CDH13: variants seen among roughly 807,000 people sequenced by gnomAD.
CDH13 encodes the protein cadherin-13.
A neutral mutation model predicts 63.8 loss-of-function variants in CDH13; 24 were observed. The ratio of observed to expected loss-of-function variants is 0.38; its 90% CI spans 0.27 to 0.53. The LOEUF is 0.53. Among genes scored for constraint, CDH13 ranks in the 20% least tolerant of loss-of-function variants. The probability of loss-of-function intolerance (pLI) is 0.85; values close to 1 mark genes in which losing one functional copy is unlikely to be tolerated. For synonymous variants in CDH13, 503 were observed against 355.3 expected, an observed-to-expected ratio of 1.42 and a Z score of -4.67; for missense variants, 1,049 against 903.1, an observed-to-expected ratio of 1.16 and a Z score of -2.07.
chr16:83,573,993 A>G (rs10781970), intron 7 of CDH13, among the ~76,000 whole-genome samples: 140,984 of 152,092 alleles, frequency 0.93, 65,628 homozygotes, highest in Non-Finnish European at 0.96. Context: ...GAGGATCCCC[A>G]GATACGCTTG....
Position 82,672,276 on chromosome 16 carries a change from C to A in CDH13, c.45+45139C>A, listed in dbSNP as rs556882251. Among the ~76,000 whole-genome samples, 3 of 152,244 alleles carry A rather than the reference C, an allele frequency of 2.0e-5. No individual in the cohort carries two copies. In the South Asian group the frequency reaches 6.2e-4, roughly 32 times the overall value. On this transcript the variant is annotated intron_variant, in intron 1 of 13. Coordinates refer to ENST00000567109, the MANE Select transcript of CDH13 (RefSeq NM_001257.5). ...GTCAACTGATATAATGTATGCACAC[C>A]ATTGAGCAGTGTGTCTTCCTCATTA... is the stretch of plus-strand genomic sequence containing the variant.
At chr16:82,842,902 G>A (rs1364040824) in intron 1 of CDH13, among the ~76,000 whole-genome samples, 1 of 152,134 alleles carries the variant, frequency 6.6e-6, no homozygotes, top group Non-Finnish European at 1.5e-5. Context: ...GGTTCACAAA[G>A]CACCTATAAG....
chr16:82,971,902 G>A (rs781743101), intron 2 of CDH13, among the ~76,000 whole-genome samples: 63 of 152,180 alleles, frequency 4.1e-4, no homozygotes, highest in African/African-American at 5.3e-4. Flanking sequence ...CTTGTTTGCA[G>A]CGATTACTCT....
chr16:83,442,999 T>C (rs1237758181), intron 6 of CDH13, among the ~76,000 whole-genome samples: 2 of 152,224 alleles, frequency 1.3e-5, no homozygotes, highest in Non-Finnish European at 1.5e-5. Context: ...GATTGAACTC[T>C]CAAAGACTTT....
At chr16:83,275,228 G>A (rs951491428) in intron 5 of CDH13, among the ~76,000 whole-genome samples, 1 of 152,080 alleles carries the variant, frequency 6.6e-6, no homozygotes, top group Non-Finnish European at 1.5e-5. Flanking sequence ...AGAGATGCTG[G>A]GCCACATAAC....
intron 3 of CDH13, among the ~76,000 whole-genome samples, chr16:83,049,501 A>C (rs2030046336): frequency 6.6e-6 from 1 of 151,714 alleles, no homozygotes; most frequent in East Asian, 1.9e-4. Context: ...CACCCAGCTA[A>C]TTTTTTGTAT....
At chr16:83,406,805 A>C (rs544690264) in intron 6 of CDH13, among the ~76,000 whole-genome samples, 1 of 152,344 alleles carries the variant, frequency 6.6e-6, no homozygotes, top group African/African-American at 2.4e-5. Context: ...GTAACAAGCC[A>C]GTCTTCTAAA....
Position 83,217,500 on chromosome 16 carries a change from G to C in CDH13, c.636+3G>C. On this transcript the variant is annotated splice_donor_region_variant and intron_variant, in intron 5 of 13. Coordinates refer to ENST00000567109, the MANE Select transcript of CDH13 (RefSeq NM_001257.5). ...GAGAAGTAATCGCTGTTTATCAAGTGAGTACCCCTCTCCCATGCCCACCCT... is the reference window on the plus strand; with the variant it reads ...GAGAAGTAATCGCTGTTTATCAAGTCAGTACCCCTCTCCCATGCCCACCCT... The C allele has an allele frequency of 6.2e-7, 1 of 1,612,636 alleles. No homozygotes were observed. Among genetic ancestry groups the C allele is most frequent in the Non-Finnish European group, 8.5e-7 (1 of 1,178,936 alleles).
chr16:83,151,571 A>G (rs1445164971), intron 4 of CDH13, among the ~76,000 whole-genome samples: 1 of 152,224 alleles, frequency 6.6e-6, no homozygotes, highest in Non-Finnish European at 1.5e-5. Context: ...TCTAGAGAGT[A>G]TTTGCTAAGA....
intron 2 of CDH13, among the ~76,000 whole-genome samples, chr16:83,011,712 CCTT>C (rs1914175683): frequency 6.6e-6 from 1 of 152,166 alleles, no homozygotes; most frequent in Non-Finnish European, 1.5e-5. Flanking sequence ...TCCTTTCTTC[CCTT>C]CTTCTTCTAC....
intron 3 of CDH13, among the ~76,000 whole-genome samples, chr16:83,069,547 C>T (rs1461926901): frequency 6.6e-6 from 1 of 152,080 alleles, no homozygotes; most frequent in Non-Finnish European, 1.5e-5. Context: ...AGTCACCATC[C>T]AAAGTCACCT....
At chr16:83,618,829 G>A (rs1205299306) in intron 8 of CDH13, among the ~76,000 whole-genome samples, 2 of 148,774 alleles carry the variant, frequency 1.3e-5, no homozygotes, top group Non-Finnish European at 2.9e-5. Flanking sequence ...TATCCTGTGA[G>A]TTAAAAAAAA....
chr16:82,662,559 G>C (rs1376899298), intron 1 of CDH13, among the ~76,000 whole-genome samples: 1 of 152,200 alleles, frequency 6.6e-6, no homozygotes, highest in African/African-American at 2.4e-5. Context: ...GAGCTGGTTT[G>C]GAGTAAATCC....
chr16:83,705,006 A>T (rs529782762), intron 10 of CDH13, among the ~76,000 whole-genome samples: 118 of 152,374 alleles, frequency 7.7e-4, no homozygotes, highest in African/African-American at 2.7e-3. Flanking sequence ...AGAATAAGTT[A>T]TCTCACTTAG....
chr16:83,129,490 G>A (rs1189898297), intron 4 of CDH13, among the ~76,000 whole-genome samples: 3 of 152,142 alleles, frequency 2.0e-5, no homozygotes, highest in East Asian at 3.9e-4. Context: ...GCTTGTTTAT[G>A]AAGCCAGCTA....
At chr16:82,630,349 C>T (rs1020041965) in intron 1 of CDH13, among the ~76,000 whole-genome samples, 5 of 151,982 alleles carry the variant, frequency 3.3e-5, no homozygotes, top group African/African-American at 9.7e-5. Flanking sequence ...TTTAGCAAGT[C>T]CCAAAACAGG....
At chr16:82,774,142 G>C (rs915550734) in intron 1 of CDH13, among the ~76,000 whole-genome samples, 2 of 151,256 alleles carry the variant, frequency 1.3e-5, no homozygotes, top group African/African-American at 4.8e-5. Context: ...AAAAAAAAAT[G>C]TGCTTCCCTA....
intron 5 of CDH13, among the ~76,000 whole-genome samples, chr16:83,273,543 A>G (rs2088890944): frequency 6.6e-6 from 1 of 152,190 alleles, no homozygotes; most frequent in African/African-American, 2.4e-5. Context: ...TGAAGCCACA[A>G]AAAAGAACGA....
chr16:83,658,552 A>T (rs370505189), intron 8 of CDH13, among the ~76,000 whole-genome samples: 1 of 78,360 alleles, frequency 1.3e-5, no homozygotes. Context: ...AAGGTCCCAT[A>T]TCCTCACCAC....
Sources: allele counts gnomAD v4.1 joint callset (sites outside exome capture counted in the v4.1 genomes callset), GRCh38; gene constraint gnomAD v4.1.1; transcripts MANE v1.5; gene names NCBI Gene and HGNC (gene_info 2026-07-23, HGNC 2026-07-21).